INO80D: variants seen among roughly 807,000 people sequenced by gnomAD.
INO80D encodes INO80 complex subunit D.
In INO80D, 21 loss-of-function variants were observed where a neutral mutation model predicts 87.6. The observed-to-expected ratio is 0.24, with a 90% confidence interval of 0.17 to 0.35. The LOEUF (loss-of-function observed/expected upper bound fraction) is 0.35. Among genes scored for constraint, INO80D ranks in the 10% least tolerant of loss-of-function variants. INO80D has a pLI of 1.00. For synonymous variants in INO80D, 440 were observed against 491.0 expected (o/e 0.90, Z 1.37); for missense variants, 982 against 1,280.7 (o/e 0.77, Z 3.56).
chr2:206,003,198 T>G lies in INO80D; in HGVS notation c.*1170A>C, dbSNP rs1687935837. ...TTTAAAATGTGTATCCTTCAGATAT[T>G]ACACATCACTTCACAACTGGTACAC... On this transcript the variant is annotated 3_prime_UTR_variant, in exon 11 of 11. Coordinates refer to ENST00000403263, the MANE Select transcript of INO80D (RefSeq NM_017759.5). 2 of 152,240 alleles carry G rather than the reference T, an allele frequency of 1.3e-5. No homozygotes were observed. Among genetic ancestry groups the G allele is most frequent in the Non-Finnish European group, 2.9e-5 (2 of 68,036 alleles). 9.4% of individuals were successfully genotyped at this position (152,240 alleles called of 1,614,324 possible). A position where few individuals can be genotyped will look rare whatever the true frequency, so the allele number is the denominator to read the frequency against.
intron 1 of INO80D, chr2:206,084,840 TGA>T (rs1690392124): frequency 6.6e-6 from 1 of 152,246 alleles, no homozygotes; most frequent in Non-Finnish European, 1.5e-5. Context: ...AAACACCACC[TGA>T]GTTTACCTCC....
rs1231454024 is a variant in INO80D, at chr2:205,997,516, T to C, written c.*6852A>G. On this transcript the variant is annotated 3_prime_UTR_variant, in exon 11 of 11. Transcript: ENST00000403263. ...AGAAAAGATGATCAACAATATTTTC[T>C]TACTCGAATATAAAGAAATCTATAA... 3.3e-5 allele frequency: 5 copies of C among 152,118 alleles called. No homozygotes were observed. Among genetic ancestry groups the C allele is most frequent in the African/African-American group, 4.8e-5 (2 of 41,428 alleles). The allele number at this position is 152,118 out of a possible 1,614,324, so 9.4% of individuals were successfully genotyped here.
intron 5 of INO80D, among the ~76,000 whole-genome samples, chr2:206,041,194 A>AT (rs1367121505): frequency 1.1e-5 from 1 of 94,478 alleles, no homozygotes; most frequent in African/African-American, 3.0e-5. Flanking sequence ...AAAAGACAGT[A>AT]AATTTAAACC....
intron 1 of INO80D, among the ~76,000 whole-genome samples, chr2:206,066,154 A>G (rs10211492): frequency 0.67 from 101,352 of 151,986 alleles, 34,394 homozygotes; most frequent in African/African-American, 0.77. Context: ...CAGCTACTCA[A>G]GGCTGAGGCA....
At chr2:206,068,027 T>A (rs1689865724) in intron 1 of INO80D, among the ~76,000 whole-genome samples, 1 of 152,224 alleles carries the variant, frequency 6.6e-6, no homozygotes, top group South Asian at 2.1e-4. Flanking sequence ...CTTTTTTGGT[T>A]TGAATTTATC....
chr2:206,016,803 G>A (rs915740270), intron 8 of INO80D, among the ~76,000 whole-genome samples: 24 of 152,094 alleles, frequency 1.6e-4, no homozygotes, highest in African/African-American at 5.8e-4. Flanking sequence ...TTATAAATGG[G>A]AGTCGCCCTA....
chr2:206,046,636 A>C, intron 4 of INO80D, 24 bp from the exon 5 acceptor site: 1 of 1,460,798 alleles, frequency 6.8e-7, no homozygotes, highest in Non-Finnish European at 9.5e-7. Context: ...GAGATATTGC[A>C]AATTAGAAAA....
rs1690412487 is a variant in INO80D at position 206,085,248 on chromosome 2, G to GC, written c.-124+652dup. ...CACCCGACCCCACGCCCGCCAGGCC[G>GC]CCCGCCCCGCCCCGCCCCGGCCTGG... On this transcript the variant is annotated intron_variant, in intron 1 of 10. Coordinates refer to ENST00000403263, the MANE Select transcript of INO80D (RefSeq NM_017759.5). The surrounding 1 kb of genome is among the most constrained non-coding windows in gnomAD (Gnocchi z 4.5). Among the ~76,000 whole-genome samples the GC allele has an allele frequency of 6.6e-6, 1 of 151,808 alleles. No individual in the cohort carries two copies. Among genetic ancestry groups the GC allele is most frequent in the Non-Finnish European group, 1.5e-5 (1 of 67,824 alleles).
At chr2:206,065,064 C>A (rs369707907) in intron 1 of INO80D, among the ~76,000 whole-genome samples, 7 of 152,170 alleles carry the variant, frequency 4.6e-5, no homozygotes, top group Non-Finnish European at 7.4e-5. Flanking sequence ...TCACCCCATA[C>A]GAAAATCAAC....
Position 205,994,783 on chromosome 2 carries a change from C to T in INO80D, c.*9585G>A, listed in dbSNP as rs1212759606. On this transcript the variant is annotated 3_prime_UTR_variant, in exon 11 of 11. Transcript: ENST00000403263. ...CGTTCTTCCTTAATAGTCTTGCATT[C>T]AGTGTGTCAAATTGATGTACTAATG... 1 of 150,414 alleles carries T rather than the reference C, an allele frequency of 6.6e-6. No individual in the cohort carries two copies. The highest frequency in any genetic ancestry group is 1.5e-5 in the Non-Finnish European group (1 of 67,888). 9.3% of individuals were successfully genotyped at this position (150,414 alleles called of 1,614,324 possible).
intron 1 of INO80D, among the ~76,000 whole-genome samples, chr2:206,073,157 A>G (rs1200312573): frequency 1.3e-5 from 2 of 152,132 alleles, no homozygotes; most frequent in Non-Finnish European, 2.9e-5. Flanking sequence ...CTAATTGAGT[A>G]TTATTGTAGT....
chr2:206,009,562 A>G lies in INO80D; in HGVS notation c.1760+15T>C, dbSNP rs190338791. 1 of 1,581,454 alleles carries G rather than the reference A, an allele frequency of 6.3e-7. No homozygotes were observed. Among genetic ancestry groups the G allele is most frequent in the East Asian group, 2.2e-5 (1 of 44,560 alleles). ...AAAATGTAAAGAAAAATTAGGTGCC[A>G]GTGGCACCACTGACCGGATGTGAGA... On this transcript the variant is annotated intron_variant, in intron 9 of 10. Coordinates refer to ENST00000403263, the MANE Select transcript of INO80D (RefSeq NM_017759.5).
chr2:206,022,842 T>C (rs1688502064), intron 6 of INO80D, among the ~76,000 whole-genome samples: 2 of 152,114 alleles, frequency 1.3e-5, no homozygotes, highest in Non-Finnish European at 2.9e-5. Flanking sequence ...GCCTCCCAAG[T>C]AGCTGAGACT....
intron 3 of INO80D, 111 bp from the exon 4 acceptor site, chr2:206,057,054 T>G: frequency 9.5e-7 from 1 of 1,047,848 alleles, no homozygotes; most frequent in South Asian, 1.7e-5. Context: ...CTATAGTGAC[T>G]CTTGGCAGCC....
rs1687783675 is a variant in INO80D, at chr2:205,994,950, A to G, written c.*9418T>C. On this transcript the variant is annotated 3_prime_UTR_variant, in exon 11 of 11. Transcript: ENST00000403263. ...GGCCCTTAACTAAAATGTGCTTAAG[A>G]CAGCTTCATGAGAGAGCTGCCTTCT... 6.6e-6 allele frequency: 1 copy of G among 152,056 alleles called. No individual in the cohort carries two copies. Among genetic ancestry groups the G allele is most frequent in the East Asian group, 1.9e-4 (1 of 5,200 alleles). 9.4% of individuals were successfully genotyped at this position (152,056 alleles called of 1,614,324 possible).
intron 1 of INO80D, among the ~76,000 whole-genome samples, chr2:206,070,714 CA>C (rs991264238): frequency 2.0e-5 from 3 of 147,260 alleles, no homozygotes; most frequent in African/African-American, 2.5e-5. Flanking sequence ...GACTCCGTCT[CA>C]AAAAAAAAGA....
At chr2:206,052,750 C>T (rs947203072) in intron 4 of INO80D, among the ~76,000 whole-genome samples, 2 of 151,604 alleles carry the variant, frequency 1.3e-5, no homozygotes, top group Non-Finnish European at 2.9e-5. Context: ...CATGATCATG[C>T]CACTGCACTC....
In INO80D at chr2:206,005,214, T is replaced by A. The variant is rs1687993100; in HGVS notation, c.2238A>T (p.Thr746=). ...GCCCCTGGATCTGCCCTGCCAGGGG[T>A]GTAGGTGGGTTTGACAAGGTAGCAG... ...LRSATLSNPP[T]PLAGQIQGQF... The change falls in exon 11 of 11, where the codon ACA becomes ACT. Residue 746 remains threonine (T), a synonymous_variant. Transcript: ENST00000403263. 7 of 1,613,748 alleles carry A rather than the reference T, an allele frequency of 4.3e-6. No individual in the cohort carries two copies. In the East Asian group the frequency reaches 1.6e-4, roughly 36 times the overall value.
chr2:206,037,815 G>A (rs1688931268), intron 5 of INO80D, among the ~76,000 whole-genome samples: 1 of 152,118 alleles, frequency 6.6e-6, no homozygotes, highest in Non-Finnish European at 1.5e-5. Context: ...AACAAAGAAT[G>A]GAATCAACCT....
Sources: gnomAD v4.1 joint callset for allele counts (sites outside exome capture counted in the v4.1 genomes callset) on GRCh38, gnomAD v4.1.1 for gene constraint, Gnocchi (gnomAD v3.1) non-coding constraint, MANE v1.5 for transcripts, NCBI Gene and HGNC (gene_info 2026-07-23, HGNC 2026-07-21) for gene names.